Variants in IRAG1 observed in about 807,000 individuals in gnomAD.
IRAG1 encodes the protein IP3R-associated cGMP kinase substrate.
IRAG1 carries 62 observed loss-of-function variants against 106.2 expected under a neutral mutation model. The observed-to-expected ratio is 0.58, with a 90% CI of 0.48 to 0.72. IRAG1 has a LOEUF of 0.72. IRAG1 is among the 30% of genes least tolerant of loss of function. IRAG1 has a pLI of 0.00. For missense variants in IRAG1, 1,064 were observed against 1,140.7 expected (o/e 0.93, Z 0.97); for synonymous variants, 462 against 443.9 (o/e 1.04, Z -0.51).
At chr11:10,598,053 G>A (rs1165754372) in intron 15 of IRAG1, among the ~76,000 whole-genome samples, 1 of 152,184 alleles carries the variant, frequency 6.6e-6, no homozygotes, top group Non-Finnish European at 1.5e-5. Context: ...TTGTTTCTCT[G>A]CTGGTTGGTG....
intron 15 of IRAG1, among the ~76,000 whole-genome samples, chr11:10,597,078 A>G (rs1221820637): frequency 6.6e-6 from 1 of 152,106 alleles, no homozygotes; most frequent in Non-Finnish European, 1.5e-5. Context: ...ATGTCCTTCT[A>G]CTCATATTTC....
In IRAG1 at chr11:10,591,610, C is replaced by T. The variant is rs550627273; in HGVS notation, c.2178G>A (p.Ser726=). Residue 726 remains serine (S), a splice_region_variant and synonymous_variant, in exon 18 of 21, where the codon TCG becomes TCA. Transcript: ENST00000423302. ...GGCTGCCTTTCCCATTGGGTGATTCCGACTGAGTGAAAAACAGAAGACAGA... is the reference window on the plus strand; with the variant it reads ...GGCTGCCTTTCCCATTGGGTGATTCTGACTGAGTGAAAAACAGAAGACAGA... ...SSSIPSLPAL[S]ESPNGKGSLP... is the part of the protein sequence containing the mutation. 4 of 1,591,200 alleles carry T rather than the reference C, an allele frequency of 2.5e-6. No individual in the cohort carries two copies. In the East Asian group the frequency reaches 6.8e-5, roughly 27 times the overall value.
At chr11:10,630,312 T>C (rs117734210) in intron 4 of IRAG1, among the ~76,000 whole-genome samples, 4,110 of 151,782 alleles carry the variant, frequency 0.027, 76 homozygotes, top group South Asian at 0.054. Flanking sequence ...CTCCCTGCAT[T>C]TACCTATAAA....
chr11:10,682,456 G>A (rs761961380), intron 1 of IRAG1, among the ~76,000 whole-genome samples: 1 of 152,102 alleles, frequency 6.6e-6, no homozygotes, highest in Admixed American at 6.6e-5. Context: ...ATAACCAACC[G>A]TATCTTTTTT....
Position 10,576,311 on chromosome 11 carries a change from A to G in IRAG1, c.*21T>C, listed in dbSNP as rs1850807891. 1 of 1,612,646 alleles carries G rather than the reference A, an allele frequency of 6.2e-7. No homozygotes were observed. The highest frequency in any genetic ancestry group is 1.3e-5 in the African/African-American group (1 of 74,908). On this transcript the variant is annotated 3_prime_UTR_variant, in exon 21 of 21. Coordinates refer to ENST00000423302, the MANE Select transcript of IRAG1 (RefSeq NM_130385.4). Reference sequence around the variant, plus strand: ...TAGTCTGAGTGTCTCAGAGCAGGGCACTGGCTAGGTGTGAGGTTTCCTACT... The same window carrying G: ...TAGTCTGAGTGTCTCAGAGCAGGGCGCTGGCTAGGTGTGAGGTTTCCTACT...
intron 15 of IRAG1, among the ~76,000 whole-genome samples, chr11:10,595,010 C>T (rs1448588732): frequency 2.6e-5 from 4 of 152,134 alleles, no homozygotes; most frequent in Admixed American, 6.5e-5. Flanking sequence ...CTGCAACCTC[C>T]GGCTCCTGGG....
intron 2 of IRAG1, among the ~76,000 whole-genome samples, chr11:10,648,201 T>C (rs1472900281): frequency 6.6e-6 from 1 of 152,096 alleles, no homozygotes; most frequent in Admixed American, 6.5e-5. Flanking sequence ...CCATATCTAC[T>C]AAAAATACAA....
chr11:10,627,470 T>TG (rs1020245257), intron 8 of IRAG1, among the ~76,000 whole-genome samples: 2 of 152,158 alleles, frequency 1.3e-5, no homozygotes, highest in African/African-American at 4.8e-5. Flanking sequence ...GCAGCCTGAC[T>TG]GGGGGTCAGC....
At chr11:10,656,963 C>T (rs1379232041) in intron 1 of IRAG1, among the ~76,000 whole-genome samples, 2 of 152,122 alleles carry the variant, frequency 1.3e-5, no homozygotes, top group Admixed American at 6.5e-5. Context: ...ACCTACACTT[C>T]GGTTGTCGGG....
intron 15 of IRAG1, among the ~76,000 whole-genome samples, chr11:10,600,620 A>C (rs925424798): frequency 2.0e-5 from 3 of 152,200 alleles, no homozygotes; most frequent in African/African-American, 4.8e-5. Flanking sequence ...TCACTCTCAG[A>C]CCCTGTAAGT....
chr11:10,631,853 G>A (rs1856715044), intron 4 of IRAG1, 138 bp downstream of exon 4: 2 of 621,072 alleles, frequency 3.2e-6, no homozygotes, highest in East Asian at 5.5e-5. Context: ...CAGACACGGA[G>A]GGGCTGATCT....
At chr11:10,672,861 T>C (rs188898957) in intron 1 of IRAG1, among the ~76,000 whole-genome samples, 2 of 152,292 alleles carry the variant, frequency 1.3e-5, no homozygotes, top group African/African-American at 4.8e-5. Context: ...CATAAAAACA[T>C]GTACACAATG....
chr11:10,622,429 C>T (rs1855904004), intron 10 of IRAG1, among the ~76,000 whole-genome samples: 1 of 152,188 alleles, frequency 6.6e-6, no homozygotes, highest in South Asian at 2.1e-4. Context: ...CTTTGCCCAC[C>T]TCATGGCACT....
intron 17 of IRAG1, among the ~76,000 whole-genome samples, chr11:10,592,012 C>T (rs1852729033): frequency 6.6e-6 from 1 of 152,184 alleles, no homozygotes; most frequent in Non-Finnish European, 1.5e-5. Flanking sequence ...CATCACTGTC[C>T]CTAGAGACAT....
intron 1 of IRAG1, among the ~76,000 whole-genome samples, chr11:10,656,055 GC>G (rs1474869281): frequency 6.6e-6 from 1 of 152,158 alleles, no homozygotes; most frequent in Non-Finnish European, 1.5e-5. Flanking sequence ...GAGAGTCCCT[GC>G]CCCAGGGTGA....
intron 1 of IRAG1, among the ~76,000 whole-genome samples, chr11:10,667,375 C>A (rs1859867784): frequency 6.6e-6 from 1 of 152,130 alleles, no homozygotes. Context: ...GTGGTTGGGA[C>A]TGGTTGGGAG....
In IRAG1 at chr11:10,603,086, A is replaced by G. The variant is rs143312363; in HGVS notation, c.1875+34T>C. Reference sequence around the variant, plus strand: ...TTGCTCTACTTTACGTAGGTGGAACAGAGTTGGCAAGACCGGGGGCTGGAG... The same window carrying G: ...TTGCTCTACTTTACGTAGGTGGAACGGAGTTGGCAAGACCGGGGGCTGGAG... On this transcript the variant is annotated intron_variant, in intron 14 of 20. Transcript: ENST00000423302. The G allele has an allele frequency of 6.0e-4, 956 of 1,596,116 alleles. 3 individuals are homozygous for G. In the African/African-American group the frequency reaches 0.011, roughly 19 times the overall value.
intron 20 of IRAG1, among the ~76,000 whole-genome samples, chr11:10,579,025 C>G (rs1472585853): frequency 6.6e-6 from 1 of 152,178 alleles, no homozygotes; most frequent in African/African-American, 2.4e-5. Context: ...AGAGAACCCT[C>G]AGGAGGGAGA....
At chr11:10,589,500 C>G (rs1378276345) in intron 18 of IRAG1, among the ~76,000 whole-genome samples, 1 of 152,098 alleles carries the variant, frequency 6.6e-6, no homozygotes, top group Admixed American at 6.5e-5. Flanking sequence ...AACTCCTGAC[C>G]TCATGAACCA....
Sources: gnomAD v4.1 joint callset for allele counts (sites outside exome capture counted in the v4.1 genomes callset) on GRCh38, gnomAD v4.1.1 for gene constraint, MANE v1.5 for transcripts, NCBI Gene and HGNC (gene_info 2026-07-23, HGNC 2026-07-21) for gene names.